Variants in GARS1 observed in about 807,000 individuals in gnomAD.
The protein encoded by GARS1 is glycyl-tRNA synthetase 1, also known as glycine--tRNA ligase.
Under a neutral mutation model 86.4 loss-of-function variants are expected in GARS1, and 46 were observed. The ratio of observed to expected loss-of-function variants is 0.53; its 90% CI spans 0.42 to 0.68. GARS1 has a LOEUF of 0.68. Among genes scored for constraint, GARS1 ranks in the 30% least tolerant of loss-of-function variants. The pLI is 0.00. For synonymous variants in GARS1, 342 were observed against 329.8 expected, an observed-to-expected ratio of 1.04 and a Z score of -0.40; for missense variants, 797 against 915.6, an observed-to-expected ratio of 0.87 and a Z score of 1.67.
intron 12 of GARS1, among the ~76,000 whole-genome samples, chr7:30,623,542 C>T (rs555240275): frequency 2.6e-5 from 4 of 152,136 alleles, no homozygotes; most frequent in Admixed American, 1.3e-4. Context: ...GACATAGCAA[C>T]TATCCAAAAT....
intron 14 of GARS1, among the ~76,000 whole-genome samples, chr7:30,629,634 T>C (rs1162474261): frequency 6.6e-6 from 1 of 152,172 alleles, no homozygotes; most frequent in East Asian, 1.9e-4. Flanking sequence ...AACTAGTGAG[T>C]TCTCGGCACC....
intron 1 of GARS1, 25 bp downstream of exon 1, chr7:30,595,168 T>C (rs1198134119): frequency 6.5e-7 from 1 of 1,528,764 alleles, no homozygotes; most frequent in South Asian, 1.2e-5. Context: ...CGCTCTCCGC[T>C]AAGCCTCCGG....
chr7:30,617,423 T>C, intron 10 of GARS1, 145 bp downstream of exon 10: 1 of 953,480 alleles, frequency 1.0e-6, no homozygotes, highest in Non-Finnish European at 1.6e-6. Flanking sequence ...GAAAAAGCAG[T>C]TGCCTCCTGC....
At chr7:30,626,160 C>T in intron 12 of GARS1, 74 bp from the exon 13 acceptor site, 1 of 853,500 alleles carries the variant, frequency 1.2e-6, no homozygotes, top group Non-Finnish European at 2.0e-6. Flanking sequence ...ACTTAGCAAT[C>T]TACAAAATTC....
chr7:30,610,529 T>C (rs1349730914), intron 7 of GARS1, among the ~76,000 whole-genome samples: 2 of 152,196 alleles, frequency 1.3e-5, no homozygotes, highest in Non-Finnish European at 2.9e-5. Flanking sequence ...GAAAAATTAA[T>C]TGTGACAAAA....
chr7:30,626,172 TTTAAA>T, intron 12 of GARS1, 57 bp from the exon 13 acceptor site: 1 of 1,014,276 alleles, frequency 9.9e-7, no homozygotes. Flanking sequence ...ACAAAATTCC[TTTAAA>T]TTAAGGCACA....
rs562634715 is a variant in GARS1 at position 30,615,661 on chromosome 7, A to C, written c.1032-235A>C. Among the ~76,000 whole-genome samples the C allele has an allele frequency of 3.3e-5, 5 of 152,286 alleles. No homozygotes were observed. In the South Asian group the frequency reaches 6.2e-4, roughly 19 times the overall value. On this transcript the variant is annotated intron_variant, in intron 8 of 16. Coordinates refer to ENST00000389266, the MANE Select transcript of GARS1 (RefSeq NM_002047.4). Reference sequence around the variant, plus strand: ...AAATAACCTTCACATGTACCCCATAAATTTGTACAAATATAATACATCAAA... The same window carrying C: ...AAATAACCTTCACATGTACCCCATACATTTGTACAAATATAATACATCAAA...
chr7:30,613,525 A>G (rs1009736214), intron 8 of GARS1, among the ~76,000 whole-genome samples: 1 of 152,222 alleles, frequency 6.6e-6, no homozygotes, highest in African/African-American at 2.4e-5. Context: ...GTTTACACAG[A>G]GTAGCTATGG....
intron 13 of GARS1, among the ~76,000 whole-genome samples, chr7:30,627,405 T>C (rs1319982828): frequency 6.6e-6 from 1 of 152,206 alleles, no homozygotes; most frequent in African/African-American, 2.4e-5. Flanking sequence ...TGATCATGTT[T>C]CTAAAGTATT....
At chr7:30,622,849 C>T (rs1783044929) in intron 12 of GARS1, among the ~76,000 whole-genome samples, 1 of 151,822 alleles carries the variant, frequency 6.6e-6, no homozygotes, top group Admixed American at 6.6e-5. Flanking sequence ...GGCTGTAATC[C>T]CAGCACTTTG....
intron 4 of GARS1, among the ~76,000 whole-genome samples, chr7:30,601,686 G>A (rs980761245): frequency 6.6e-6 from 1 of 152,224 alleles, no homozygotes; most frequent in African/African-American, 2.4e-5. Context: ...AGGTATACTT[G>A]TAGAGATTTT....
At chr7:30,603,657 A>G (rs1325231262) in intron 6 of GARS1, 85 bp downstream of exon 6, 1 of 955,988 alleles carries the variant, frequency 1.0e-6, no homozygotes, top group Non-Finnish European at 1.7e-6. Context: ...ATTTCCCATT[A>G]TGCTGACCCT....
chr7:30,604,650 A>T (rs17159273), intron 6 of GARS1, among the ~76,000 whole-genome samples: 5,502 of 152,056 alleles, frequency 0.036, 128 homozygotes, highest in Middle Eastern at 0.082. Context: ...ATTTATTTTG[A>T]TACTTGTGGA....
Position 30,595,079 on chromosome 7 carries a change from G to C in GARS1, c.158G>C (p.Ser53Thr). The change falls in exon 1 of 17, where the codon AGC (serine) becomes ACC (threonine). Residue 53 changes from serine (S) to threonine (T), a missense_variant. Coordinates refer to ENST00000389266, the MANE Select transcript of GARS1 (RefSeq NM_002047.4). ...TCCTTGCCCGCCGCCGCCTCCCGGA[G>C]CAGCATGGACGGCGCGGGGGCTGAG... is the stretch of plus-strand genomic sequence containing the variant. ...PISLPAAASRSSMDGAGAEEV... is the reference protein window; with the variant it reads ...PISLPAAASRTSMDGAGAEEV... 6.5e-7 allele frequency: 1 copy of C among 1,548,200 alleles called. No homozygotes were observed. The highest frequency in any genetic ancestry group is 8.7e-7 in the Non-Finnish European group (1 of 1,152,580).
rs1462300993 is a variant in GARS1, at chr7:30,599,523, C to T, written c.325-424C>T. ...GTTCAAGTGATTCTCCTGCCTCAGCCTCCCAAGTAGCTGGGATTACAGGTG... is the reference window on the plus strand; with the variant it reads ...GTTCAAGTGATTCTCCTGCCTCAGCTTCCCAAGTAGCTGGGATTACAGGTG... On this transcript the variant is annotated intron_variant, in intron 2 of 16. Coordinates refer to ENST00000389266, the MANE Select transcript of GARS1 (RefSeq NM_002047.4). Among the ~76,000 whole-genome samples, 4 of 152,268 alleles carry T rather than the reference C, an allele frequency of 2.6e-5. No individual in the cohort carries two copies. In the East Asian group the frequency reaches 7.7e-4, roughly 29 times the overall value.
chr7:30,621,270 G>A (rs1782999970), intron 10 of GARS1, 123 bp from the exon 11 acceptor site: 1 of 836,646 alleles, frequency 1.2e-6, no homozygotes, highest in East Asian at 2.6e-5. Flanking sequence ...AAATTTGAAT[G>A]AAGATTATAT....
intron 12 of GARS1, chr7:30,622,788 T>C: frequency 2.8e-6 from 1 of 355,230 alleles, no homozygotes. Context: ...CTCTCTGTAA[T>C]TGTTTAAGCA....
intron 6 of GARS1, among the ~76,000 whole-genome samples, chr7:30,605,056 A>G (rs1266088222): frequency 6.6e-6 from 1 of 152,222 alleles, no homozygotes; most frequent in Non-Finnish European, 1.5e-5. Flanking sequence ...AGCTGTCAAT[A>G]TAATCTTCAA....
At position 30,598,813 on chromosome 7, in the gene GARS1, A is replaced by G. The variant is rs1791314477; in HGVS notation, c.240A>G (p.Lys80=). The change falls in exon 2 of 17, where the codon AAA becomes AAG. Residue 80 remains lysine, a synonymous_variant. Transcript: ENST00000389266. ...AVRQQGDLVR[K]LKEDKAPQVD... ...TTGGCTAGGGAGATCTTGTGCGAAA[A>G]CTCAAAGAAGATAAAGCACCCCAAG... 9 of 1,613,986 alleles carry G rather than the reference A, an allele frequency of 5.6e-6. No homozygotes were observed. In the East Asian group the frequency reaches 2.0e-4, roughly 36 times the overall value.
Sources: allele counts gnomAD v4.1 joint callset (sites outside exome capture counted in the v4.1 genomes callset), GRCh38; gene constraint gnomAD v4.1.1; transcripts MANE v1.5; gene names NCBI Gene and HGNC (gene_info 2026-07-23, HGNC 2026-07-21).